The following RNF170 variants were observed in gnomAD, a reference collection of about 807,000 sequenced individuals.
The protein encoded by RNF170 is E3 ubiquitin-protein ligase RNF170.
In RNF170, 12 loss-of-function variants were observed where a neutral mutation model predicts 32.7. The observed-to-expected ratio is 0.37, with a 90% CI of 0.24 to 0.60. The LOEUF is 0.60. Ranked by LOEUF, RNF170 falls within the 20% of genes least tolerant of loss-of-function variation. The pLI, the probability that RNF170 is intolerant of heterozygous loss-of-function variation, is 0.72. For missense variants in RNF170, 212 were observed against 311.2 expected (o/e 0.68, Z 2.40); for synonymous variants, 91 against 103.6 (o/e 0.88, Z 0.74).
chr8:42,886,704 G>A (rs190256621), intron 2 of RNF170, among the ~76,000 whole-genome samples: 20 of 152,238 alleles, frequency 1.3e-4, no homozygotes, highest in Admixed American at 2.6e-4. Flanking sequence ...TGGGATTACC[G>A]GCGTGAGCCA....
At chr8:42,888,911 G>A (rs2128954283) in intron 1 of RNF170, among the ~76,000 whole-genome samples, 1 of 152,160 alleles carries the variant, frequency 6.6e-6, no homozygotes, top group South Asian at 2.1e-4. Flanking sequence ...ATATCTTGTG[G>A]CATTTCCCAT....
intron 2 of RNF170, among the ~76,000 whole-genome samples, chr8:42,883,445 T>C (rs1235768490): frequency 2.0e-5 from 3 of 151,996 alleles, no homozygotes; most frequent in East Asian, 3.9e-4. Flanking sequence ...GGCGCGTGCC[T>C]GTAGTCCCAG....
chr8:42,861,454 T>C (rs1563660451), intron 6 of RNF170: 1 of 326,580 alleles, frequency 3.1e-6, no homozygotes, highest in South Asian at 3.1e-5. Flanking sequence ...GATCCTCCCA[T>C]TTCAGCCTCC....
intron 1 of RNF170, among the ~76,000 whole-genome samples, chr8:42,894,723 C>T (rs1050377586): frequency 6.6e-6 from 1 of 152,120 alleles, no homozygotes; most frequent in African/African-American, 2.4e-5. Flanking sequence ...CGCCACCACG[C>T]CCGGCTAATT....
chr8:42,850,709 A>AAGGGG (rs372717758), downstream of RNF170: 340 of 1,517,780 alleles, frequency 2.2e-4, 1 homozygote, highest in African/African-American at 4.3e-3. Context: ...GCCCTGGGGT[A>AAGGGG]AGGGGAGGGG....
intron 6 of RNF170, among the ~76,000 whole-genome samples, chr8:42,859,977 T>A (rs978848403): frequency 6.6e-6 from 1 of 151,960 alleles, no homozygotes; most frequent in African/African-American, 2.4e-5. Context: ...GCAGTAAAAA[T>A]AATAGGACAC....
Position 42,884,056 on chromosome 8 carries a change from C to T in RNF170, c.137+3672G>A, listed in dbSNP as rs369195757. Reference sequence around the variant, plus strand: ...CCAGTGGCCCCAGTTCTGCCCACTGCGCCTGGCAGAATAAATTTAATTCTT... The same window carrying T: ...CCAGTGGCCCCAGTTCTGCCCACTGTGCCTGGCAGAATAAATTTAATTCTT... On this transcript the variant is annotated intron_variant, in intron 2 of 6. Coordinates refer to ENST00000527424, the MANE Select transcript of RNF170 (RefSeq NM_030954.4). 2.3e-4 allele frequency among the ~76,000 whole-genome samples: 35 copies of T among 152,184 alleles called. No homozygotes were observed. In the South Asian group the frequency reaches 5.4e-3, roughly 24 times the overall value.
chr8:42,864,280 T>C (rs1191979072), intron 5 of RNF170, among the ~76,000 whole-genome samples: 1 of 151,988 alleles, frequency 6.6e-6, no homozygotes, highest in East Asian at 1.9e-4. Context: ...TTAAATTTTT[T>C]TGTAGAGATG....
rs1179843098 is a variant in RNF170, at chr8:42,887,809, A to G, written c.56T>C (p.Ile19Thr). The change falls in exon 2 of 7, where the codon ATA becomes ACA. Residue 19 changes from isoleucine (I) to threonine (T), a missense_variant. Around this residue, in one of 2 missense-constraint regions of RNF170, gnomAD observed 115 missense variants for 132.3 expected, o/e 0.87. Transcript: ENST00000527424. Reference sequence around the variant, plus strand: ...AAGTACTTGGTCGCTTACTCCTTCTATAACTGAATCATCATCCAGTTTCAA... The same window carrying G: ...AAGTACTTGGTCGCTTACTCCTTCTGTAACTGAATCATCATCCAGTTTCAA... ...QSLKLDDDSV[I>T]EGVSDQVLVA... 2 of 1,613,522 alleles carry G rather than the reference A, an allele frequency of 1.2e-6. No individual in the cohort carries two copies. Among genetic ancestry groups the G allele is most frequent in the African/African-American group, 1.3e-5 (1 of 74,930 alleles).
intron 2 of RNF170, among the ~76,000 whole-genome samples, chr8:42,879,675 T>C (rs1351211974): frequency 6.6e-6 from 1 of 151,526 alleles, no homozygotes; most frequent in African/African-American, 2.4e-5. Flanking sequence ...AAGAATAAAA[T>C]AACTTTTTTT....
intron 2 of RNF170, among the ~76,000 whole-genome samples, chr8:42,883,759 T>C (rs1295566339): frequency 1.3e-5 from 2 of 152,158 alleles, no homozygotes; most frequent in East Asian, 3.9e-4. Flanking sequence ...TTTAACATGA[T>C]AAATTTTGTT....
chr8:42,897,119 C>A, upstream of RNF170: 1 of 1,242,566 alleles, frequency 8.0e-7, no homozygotes. Context: ...GCTGCCTGGC[C>A]GCGGCGGGGA....
chr8:42,864,578 C>T (rs576238757), intron 5 of RNF170, among the ~76,000 whole-genome samples: 80 of 152,226 alleles, frequency 5.3e-4, no homozygotes, highest in African/African-American at 1.9e-3. Flanking sequence ...CATGTCTCAT[C>T]TGCAGTGACA....
At chr8:42,860,465 C>CA (rs1224896049) in intron 6 of RNF170, among the ~76,000 whole-genome samples, 1 of 152,136 alleles carries the variant, frequency 6.6e-6, no homozygotes, top group Non-Finnish European at 1.5e-5. Context: ...CTCTGTTGCC[C>CA]AGGCTGGAGT....
At chr8:42,876,315 C>G (rs968374286) in intron 2 of RNF170, among the ~76,000 whole-genome samples, 2 of 151,722 alleles carry the variant, frequency 1.3e-5, no homozygotes, top group African/African-American at 2.4e-5. Flanking sequence ...AGCCAAACAA[C>G]AAGAACAAAT....
intron 6 of RNF170, among the ~76,000 whole-genome samples, chr8:42,857,821 G>T (rs1445922235): frequency 1.3e-5 from 2 of 152,178 alleles, no homozygotes; most frequent in African/African-American, 4.8e-5. Flanking sequence ...ATCGCTTGAA[G>T]CCAAGAGTTT....
chr8:42,883,355 G>A (rs1805563962), intron 2 of RNF170, among the ~76,000 whole-genome samples: 1 of 152,088 alleles, frequency 6.6e-6, no homozygotes, highest in Non-Finnish European at 1.5e-5. Context: ...AGATGGTGAT[G>A]ATGGTTACAC....
At chr8:42,869,889 C>A in intron 4 of RNF170, 115 bp downstream of exon 4, 1 of 740,806 alleles carries the variant, frequency 1.3e-6, no homozygotes, top group Non-Finnish European at 2.5e-6. Flanking sequence ...AGGTAATCTA[C>A]CCTACTCACA....
intron 2 of RNF170, among the ~76,000 whole-genome samples, chr8:42,882,074 A>T (rs1805458189): frequency 6.6e-6 from 1 of 152,074 alleles, no homozygotes; most frequent in Non-Finnish European, 1.5e-5. Flanking sequence ...AGTTATTATT[A>T]AAAAAAACAC....
Sources: allele counts gnomAD v4.1 joint callset (sites outside exome capture counted in the v4.1 genomes callset), GRCh38; gene constraint gnomAD v4.1.1; regional missense constraint gnomAD v4.1.1; transcripts MANE v1.5; gene names NCBI Gene and HGNC (gene_info 2026-07-23, HGNC 2026-07-21).